The following TRIM55 variants were observed in gnomAD, a reference collection of about 807,000 sequenced individuals.
The protein encoded by TRIM55 is tripartite motif-containing protein 55.
In TRIM55, 50 loss-of-function variants were observed where a neutral mutation model predicts 60.9. The observed-to-expected ratio is 0.82, with a 90% CI of 0.65 to 1.04. TRIM55 has a LOEUF of 1.04. TRIM55 is among the 50% of genes least tolerant of loss of function. The probability of loss-of-function intolerance (pLI) is 0.00; values close to 1 mark genes in which losing one functional copy is unlikely to be tolerated. For synonymous variants in TRIM55, 237 were observed against 238.1 expected, an observed-to-expected ratio of 1.00 and a Z score of 0.04; for missense variants, 681 against 666.9, an observed-to-expected ratio of 1.02 and a Z score of -0.23.
At chr8:66,140,850 A>G (rs1809768692) in intron 4 of TRIM55, among the ~76,000 whole-genome samples, 1 of 152,190 alleles carries the variant, frequency 6.6e-6, no homozygotes, top group African/African-American at 2.4e-5. Flanking sequence ...AGAAGCTATG[A>G]GTGGTTCCTG....
intron 1 of TRIM55, 124 bp downstream of exon 1, chr8:66,127,560 C>G (rs557780107): frequency 3.5e-6 from 4 of 1,153,590 alleles, no homozygotes; most frequent in Non-Finnish European, 3.7e-6. Flanking sequence ...GGCGCTTTGG[C>G]TCACGCCTGT....
chr8:66,149,713 G>A lies in TRIM55; in HGVS notation c.672G>A (p.Glu224=), dbSNP rs1399103227. The change falls in exon 5 of 10, where the codon GAG becomes GAA. Residue 224 remains glutamate (E), a synonymous_variant. Coordinates refer to ENST00000315962, the MANE Select transcript of TRIM55 (RefSeq NM_184085.2). ...KFDYLYGILE[E]RKNEMTQVIT... is the part of the protein sequence containing the mutation. ...ATTACCTGTATGGCATTTTGGAGGAGAGGAAGAATGAAATGACCCAAGTCA... is the reference window on the plus strand; with the variant it reads ...ATTACCTGTATGGCATTTTGGAGGAAAGGAAGAATGAAATGACCCAAGTCA... The A allele has an allele frequency of 6.2e-7, 1 of 1,614,212 alleles. No homozygotes were observed. Among genetic ancestry groups the A allele is most frequent in the Non-Finnish European group, 8.5e-7 (1 of 1,180,016 alleles).
chr8:66,120,673 T>C, the TRIM55 span, among the ~76,000 whole-genome samples: 1 of 152,134 alleles, frequency 6.6e-6, no homozygotes, highest in East Asian at 1.9e-4. Context: ...GCCAGGAGGG[T>C]GATGCATCCT....
chr8:66,138,359 C>G (rs1297202730), intron 4 of TRIM55, among the ~76,000 whole-genome samples: 1 of 152,076 alleles, frequency 6.6e-6, no homozygotes, highest in Admixed American at 6.6e-5. Context: ...CTGCTTCTTA[C>G]TTTTTAAAAA....
intron 1 of TRIM55, 141 bp from the exon 2 acceptor site, chr8:66,128,163 T>G: frequency 9.3e-6 from 7 of 756,330 alleles, no homozygotes; most frequent in Non-Finnish European, 1.5e-5. Flanking sequence ...GACCACTTGC[T>G]GAGAAAGCCC....
chr8:66,155,193 A>G (rs1022500999), intron 9 of TRIM55, among the ~76,000 whole-genome samples: 4 of 152,208 alleles, frequency 2.6e-5, no homozygotes, highest in Non-Finnish European at 5.9e-5. Flanking sequence ...TTGATTATGA[A>G]CCACAAACAA....
At chr8:66,172,804 AC>A (rs1466561962) in intron 9 of TRIM55, among the ~76,000 whole-genome samples, 8 of 152,240 alleles carry the variant, frequency 5.3e-5, no homozygotes, top group Non-Finnish European at 1.0e-4. Flanking sequence ...AAAAGAGGCC[AC>A]AAAATGGACC....
chr8:66,154,444 A>T, intron 9 of TRIM55, 110 bp downstream of exon 9: 2 of 1,157,080 alleles, frequency 1.7e-6, no homozygotes, highest in Non-Finnish European at 2.4e-6. Context: ...GAGAAACCTC[A>T]GCCAGGGGAA....
intron 9 of TRIM55, among the ~76,000 whole-genome samples, chr8:66,164,008 GTT>G (rs34363935): frequency 9.0e-5 from 13 of 144,668 alleles, no homozygotes; most frequent in East Asian, 8.0e-4. Context: ...CAAGATAAGT[GTT>G]TTTTTTTTTT....
At chr8:66,123,590 T>C (rs975497437), upstream of TRIM55, among the ~76,000 whole-genome samples, 1 of 152,000 alleles carries the variant, frequency 6.6e-6, no homozygotes, top group Non-Finnish European at 1.5e-5. Context: ...AAGATAGAGA[T>C]CAGCTCTGTA....
chr8:66,154,380 G>A (rs1464459873), intron 9 of TRIM55, 46 bp downstream of exon 9: 2 of 1,591,728 alleles, frequency 1.3e-6, no homozygotes, highest in African/African-American at 1.3e-5. Context: ...CGCCCCCTAG[G>A]GTCCCACTGG....
chr8:66,141,960 A>G (rs1313098769), intron 4 of TRIM55, among the ~76,000 whole-genome samples: 1 of 152,280 alleles, frequency 6.6e-6, no homozygotes, highest in African/African-American at 2.4e-5. Context: ...TAAAGGCAAT[A>G]TAACATATGT....
the TRIM55 span, among the ~76,000 whole-genome samples, chr8:66,120,778 C>T: frequency 3.3e-5 from 5 of 152,154 alleles, no homozygotes; most frequent in African/African-American, 1.2e-4. Flanking sequence ...AATTTGTATT[C>T]TTTTTGGCTC....
At chr8:66,119,864 C>G in the TRIM55 span, among the ~76,000 whole-genome samples, 2,600 of 152,266 alleles carry the variant, frequency 0.017, 85 homozygotes, top group African/African-American at 0.059. Context: ...AGTTTCAGAG[C>G]TGCACTGTGC....
chr8:66,152,250 G>C (rs1810471002), intron 7 of TRIM55, 127 bp from the exon 8 acceptor site: 1 of 1,303,874 alleles, frequency 7.7e-7, no homozygotes, highest in South Asian at 1.6e-5. Flanking sequence ...TTGGACCATT[G>C]TCAAGTGTCT....
chr8:66,113,442 C>T, the TRIM55 span: 3 of 450,002 alleles, frequency 6.7e-6, no homozygotes, highest in African/African-American at 2.0e-5. Context: ...GTCGCTGGTT[C>T]GATTCCGGCT....
intron 9 of TRIM55, among the ~76,000 whole-genome samples, chr8:66,172,965 T>C (rs1427893276): frequency 6.6e-6 from 1 of 152,130 alleles, no homozygotes; most frequent in African/African-American, 2.4e-5. Flanking sequence ...GACTTAAGGG[T>C]TTGTTTTTTG....
At chr8:66,113,417 A>C in the TRIM55 span, 2 of 433,946 alleles carry the variant, frequency 4.6e-6, no homozygotes, top group Non-Finnish European at 4.6e-6. Context: ...CTTCCTCAGC[A>C]GGAGACATCC....
chr8:66,159,805 C>G (rs1032159208), intron 9 of TRIM55, among the ~76,000 whole-genome samples: 8 of 152,102 alleles, frequency 5.3e-5, no homozygotes, highest in African/African-American at 1.7e-4. Context: ...ATGGTTAGCA[C>G]CTTTTCTTGT....
Sources: allele counts gnomAD v4.1 joint callset (sites outside exome capture counted in the v4.1 genomes callset), GRCh38; gene constraint gnomAD v4.1.1; transcripts MANE v1.5; gene names NCBI Gene and HGNC (gene_info 2026-07-23, HGNC 2026-07-21).